The following ZMAT4 variants were observed in gnomAD, a reference collection of about 807,000 sequenced individuals.
ZMAT4 encodes zinc finger matrin-type 4.
In ZMAT4, 17 loss-of-function variants were observed where a neutral mutation model predicts 28.7. The ratio of observed to expected loss-of-function variants is 0.59; its 90% CI spans 0.41 to 0.89. The LOEUF is 0.89. Among genes scored for constraint, ZMAT4 ranks in the 40% least tolerant of loss-of-function variants. The probability of loss-of-function intolerance (pLI) is 0.00; values close to 1 mark genes in which losing one functional copy is unlikely to be tolerated. For missense variants in ZMAT4, 240 were observed against 283.8 expected (o/e 0.85, Z 1.11); for synonymous variants, 117 against 109.2 (o/e 1.07, Z -0.44).
intron 1 of ZMAT4, among the ~76,000 whole-genome samples, chr8:40,827,750 T>C (rs1010758521): frequency 2.6e-5 from 4 of 152,234 alleles, no homozygotes; most frequent in South Asian, 2.1e-4. Context: ...GGTGGCCCAA[T>C]TGGCCTGGAG....
intron 3 of ZMAT4, among the ~76,000 whole-genome samples, chr8:40,721,890 C>A (rs1811114426): frequency 6.6e-6 from 1 of 151,990 alleles, no homozygotes; most frequent in African/African-American, 2.4e-5. Context: ...ACTATCTGAT[C>A]TTTGACAAAC....
intron 2 of ZMAT4, among the ~76,000 whole-genome samples, chr8:40,796,168 T>A (rs935272374): frequency 1.3e-5 from 2 of 152,152 alleles, no homozygotes; most frequent in Non-Finnish European, 2.9e-5. Context: ...AAAGCCTGTA[T>A]ATCAACAGAT....
chr8:40,869,467 T>C (rs1817779088), intron 1 of ZMAT4, among the ~76,000 whole-genome samples: 1 of 152,236 alleles, frequency 6.6e-6, no homozygotes, highest in African/African-American at 2.4e-5. Flanking sequence ...CCAGGCACTA[T>C]GGCTGGATTT....
At chr8:40,595,890 C>A (rs1490403710) in intron 5 of ZMAT4, among the ~76,000 whole-genome samples, 1 of 152,006 alleles carries the variant, frequency 6.6e-6, no homozygotes, top group Non-Finnish European at 1.5e-5. Flanking sequence ...TCAAGACCAG[C>A]CTGGTCAACA....
At chr8:40,781,353 A>G (rs1391554440) in intron 2 of ZMAT4, among the ~76,000 whole-genome samples, 1 of 152,210 alleles carries the variant, frequency 6.6e-6, no homozygotes, top group Non-Finnish European at 1.5e-5. Flanking sequence ...CTTGCAATGA[A>G]CAAAGTTGGA....
chr8:40,642,702 C>T (rs1172725956), intron 5 of ZMAT4, among the ~76,000 whole-genome samples: 2 of 152,192 alleles, frequency 1.3e-5, no homozygotes, highest in Non-Finnish European at 2.9e-5. Flanking sequence ...TTCTCCATCC[C>T]CAGGATATGT....
intron 2 of ZMAT4, among the ~76,000 whole-genome samples, chr8:40,768,467 G>A (rs1156603873): frequency 2.0e-5 from 3 of 152,042 alleles, no homozygotes; most frequent in Admixed American, 6.6e-5. Context: ...GTTTCATCCC[G>A]GATTCCCATC....
chr8:40,566,644 T>C (rs1055559996), intron 6 of ZMAT4, among the ~76,000 whole-genome samples: 11 of 152,144 alleles, frequency 7.2e-5, no homozygotes, highest in Non-Finnish European at 1.5e-4. Context: ...GTATGGAGGA[T>C]ACTGAAAAAT....
intron 6 of ZMAT4, among the ~76,000 whole-genome samples, chr8:40,559,608 T>C (rs1467666143): frequency 1.3e-5 from 2 of 152,184 alleles, no homozygotes; most frequent in African/African-American, 2.4e-5. Flanking sequence ...GCCCATCTTG[T>C]AGGTTGTAAC....
At chr8:40,819,603 C>T (rs758363863) in intron 2 of ZMAT4, among the ~76,000 whole-genome samples, 2 of 152,152 alleles carry the variant, frequency 1.3e-5, no homozygotes, top group Non-Finnish European at 2.9e-5. Context: ...CACCTGCCCT[C>T]AGGAAGCTTG....
At chr8:40,786,032 C>G (rs1211909407) in intron 2 of ZMAT4, among the ~76,000 whole-genome samples, 1 of 152,156 alleles carries the variant, frequency 6.6e-6, no homozygotes. Context: ...TTTCTGACTT[C>G]CATGACAAAA....
At chr8:40,756,241 C>G (rs1177041280) in intron 3 of ZMAT4, among the ~76,000 whole-genome samples, 2 of 151,768 alleles carry the variant, frequency 1.3e-5, no homozygotes, top group Non-Finnish European at 2.9e-5. Flanking sequence ...AAAGAAAAGT[C>G]CAAAGTCTGT....
intron 2 of ZMAT4, among the ~76,000 whole-genome samples, chr8:40,816,935 TTTTTA>T (rs1815564900): frequency 6.6e-6 from 1 of 152,142 alleles, no homozygotes; most frequent in South Asian, 2.1e-4. Flanking sequence ...AGAGACGGCA[TTTTTA>T]AACACATTGA....
At position 40,585,283 on chromosome 8, in the gene ZMAT4, C is replaced by T. The variant is rs139826211; in HGVS notation, c.578-4022G>A. ...GCAGCCTAAGAGACTGACAACTTTTCAGGTACAAACTGCCAGTTCAGAGAT... is the reference window on the plus strand; with the variant it reads ...GCAGCCTAAGAGACTGACAACTTTTTAGGTACAAACTGCCAGTTCAGAGAT... On this transcript the variant is annotated intron_variant, in intron 5 of 6. Coordinates refer to ENST00000297737, the MANE Select transcript of ZMAT4 (RefSeq NM_024645.3). Among the ~76,000 whole-genome samples the T allele has an allele frequency of 2.1e-3, 313 of 152,274 alleles. 1 individual carries two copies. The highest frequency in any genetic ancestry group is 7.0e-3 in the African/African-American group (292 of 41,550).
At chr8:40,644,323 G>A (rs1191684490) in intron 5 of ZMAT4, among the ~76,000 whole-genome samples, 1 of 152,052 alleles carries the variant, frequency 6.6e-6, no homozygotes, top group East Asian at 1.9e-4. Context: ...GTTATTTCTA[G>A]GACTGAGGCA....
intron 1 of ZMAT4, among the ~76,000 whole-genome samples, chr8:40,860,940 G>T (rs917506920): frequency 6.6e-6 from 1 of 152,200 alleles, no homozygotes; most frequent in African/African-American, 2.4e-5. Context: ...AGGAGAAGTG[G>T]TGGGAGACAG....
intron 1 of ZMAT4, among the ~76,000 whole-genome samples, chr8:40,879,162 C>G (rs937218381): frequency 6.6e-6 from 1 of 152,154 alleles, no homozygotes; most frequent in Non-Finnish European, 1.5e-5. Flanking sequence ...TGGTGCGTAC[C>G]TACAATCCCA....
chr8:40,643,810 G>T (rs1307997624), intron 5 of ZMAT4, among the ~76,000 whole-genome samples: 4 of 146,390 alleles, frequency 2.7e-5, no homozygotes, highest in Non-Finnish European at 6.0e-5. Context: ...AAAGGAGTAA[G>T]GTCAGTGTTC....
At chr8:40,699,294 G>C (rs1366930363) in intron 3 of ZMAT4, among the ~76,000 whole-genome samples, 1 of 152,084 alleles carries the variant, frequency 6.6e-6, no homozygotes, top group Non-Finnish European at 1.5e-5. Flanking sequence ...CATGCTGGAG[G>C]ATATATATTT....
Sources: gnomAD v4.1 joint callset for allele counts (sites outside exome capture counted in the v4.1 genomes callset) on GRCh38, gnomAD v4.1.1 for gene constraint, MANE v1.5 for transcripts, NCBI Gene and HGNC (gene_info 2026-07-23, HGNC 2026-07-21) for gene names.